The following RPS6KC1 variants were observed in gnomAD, a reference collection of about 807,000 sequenced individuals.
RPS6KC1 encodes the protein ribosomal protein S6 kinase C1.
A neutral mutation model predicts 103.8 loss-of-function variants in RPS6KC1; 54 were observed. That is an observed-to-expected ratio of 0.52 (90% confidence interval 0.42 to 0.65). The LOEUF (loss-of-function observed/expected upper bound fraction) is 0.65, where lower values mean the gene tolerates loss of function less well. Ranked by LOEUF, RPS6KC1 falls within the 30% of genes least tolerant of loss-of-function variation. The probability of loss-of-function intolerance (pLI) is 0.00; values close to 1 mark genes in which losing one functional copy is unlikely to be tolerated. For synonymous variants in RPS6KC1, 439 were observed against 438.7 expected, an observed-to-expected ratio of 1.00 and a Z score of -0.01; for missense variants, 1,151 against 1,253.8, an observed-to-expected ratio of 0.92 and a Z score of 1.24.
the RPS6KC1 span, among the ~76,000 whole-genome samples, chr1:213,344,609 A>T: frequency 6.6e-6 from 1 of 151,970 alleles, no homozygotes; most frequent in Non-Finnish European, 1.5e-5. Context: ...TCTCAGGCTT[A>T]CTGCAACCTC....
At chr1:213,118,919 A>G (rs571491657) in intron 5 of RPS6KC1, among the ~76,000 whole-genome samples, 1 of 151,918 alleles carries the variant, frequency 6.6e-6, no homozygotes, top group Admixed American at 6.6e-5. Flanking sequence ...GTGGTAAAAT[A>G]TCTGTTCTTT....
chr1:213,087,936 C>A (rs924083520), intron 3 of RPS6KC1, among the ~76,000 whole-genome samples: 1 of 152,150 alleles, frequency 6.6e-6, no homozygotes, highest in Non-Finnish European at 1.5e-5. Flanking sequence ...AGAGTACGCT[C>A]CTAATAACCC....
At chr1:213,586,628 TGAG>T in the RPS6KC1 span, among the ~76,000 whole-genome samples, 1 of 85,632 alleles carries the variant, frequency 1.2e-5, no homozygotes, top group East Asian at 6.0e-4. Context: ...GTGAGACAGA[TGAG>T]GAGAAGGGCA....
chr1:213,181,201 T>C (rs1174059761), intron 8 of RPS6KC1, among the ~76,000 whole-genome samples: 1 of 152,220 alleles, frequency 6.6e-6, no homozygotes. Flanking sequence ...ATTCTGTGTG[T>C]ACATGTGTGT....
chr1:213,688,857 T>G, the RPS6KC1 span, among the ~76,000 whole-genome samples: 1 of 152,324 alleles, frequency 6.6e-6, no homozygotes, highest in East Asian at 1.9e-4. Context: ...CCACCTACTC[T>G]GTGTAAGCCT....
At chr1:213,267,640 A>C (rs2094942606) in intron 14 of RPS6KC1, among the ~76,000 whole-genome samples, 1 of 152,070 alleles carries the variant, frequency 6.6e-6, no homozygotes, top group Non-Finnish European at 1.5e-5. Context: ...AAAGAACTAA[A>C]TGAAACTGTG....
At chr1:213,591,134 T>A in the RPS6KC1 span, among the ~76,000 whole-genome samples, 1 of 152,176 alleles carries the variant, frequency 6.6e-6, no homozygotes. Flanking sequence ...AGGTGAGGTC[T>A]GCTGCACTGG....
In RPS6KC1 at chr1:213,095,259, TTTC is replaced by T. The variant is rs1468610363; in HGVS notation, c.263-9192_263-9190del. Among the ~76,000 whole-genome samples the T allele has an allele frequency of 6.6e-5, 10 of 152,202 alleles. 1 individual carries two copies. The highest frequency in any genetic ancestry group is 4.1e-4 in the South Asian group (2 of 4,834). On this transcript the variant is annotated intron_variant, in intron 3 of 14. Coordinates refer to ENST00000366960, the MANE Select transcript of RPS6KC1 (RefSeq NM_012424.6). The stretch of plus-strand genomic sequence containing the variant: ...AATCCAGAGAATCTTGACCTCTCTC[TTTC>T]TTTTTACTCTGTGAATGAACTTTTG...
At chr1:213,665,902 A>G in the RPS6KC1 span, among the ~76,000 whole-genome samples, 1 of 152,250 alleles carries the variant, frequency 6.6e-6, no homozygotes, top group Non-Finnish European at 1.5e-5. Flanking sequence ...CATCCAAGTT[A>G]TATTGTTACA....
chr1:213,541,631 C>T, the RPS6KC1 span, among the ~76,000 whole-genome samples: 1 of 152,094 alleles, frequency 6.6e-6, no homozygotes, highest in African/African-American at 2.4e-5. Context: ...TTAATAACCA[C>T]AAACCATTAA....
the RPS6KC1 span, among the ~76,000 whole-genome samples, chr1:213,379,323 G>A: frequency 1.3e-5 from 2 of 152,244 alleles, no homozygotes; most frequent in African/African-American, 4.8e-5. Flanking sequence ...TGGAGGGTAG[G>A]CCCCTAATCC....
At chr1:213,730,161 T>C in the RPS6KC1 span, among the ~76,000 whole-genome samples, 4 of 152,242 alleles carry the variant, frequency 2.6e-5, no homozygotes, top group Non-Finnish European at 4.4e-5. Context: ...ATTTTCTTTA[T>C]CTAGTCTATC....
the RPS6KC1 span, among the ~76,000 whole-genome samples, chr1:213,574,281 C>T: frequency 9.2e-5 from 14 of 152,272 alleles, no homozygotes; most frequent in Admixed American, 9.2e-4. Flanking sequence ...CTTTCTCTCC[C>T]TCCTTCCAAA....
chr1:213,521,065 C>T, the RPS6KC1 span, among the ~76,000 whole-genome samples: 1 of 151,992 alleles, frequency 6.6e-6, no homozygotes, highest in Non-Finnish European at 1.5e-5. Flanking sequence ...ATTCTATATG[C>T]TCTGTTCTAC....
the RPS6KC1 span, among the ~76,000 whole-genome samples, chr1:213,735,024 C>T: frequency 1.4e-4 from 22 of 152,246 alleles, no homozygotes; most frequent in East Asian, 3.9e-4. Flanking sequence ...CCTGGGTTCA[C>T]GCCATTCTTC....
rs12076737 is a variant in RPS6KC1 at position 213,227,906 on chromosome 1, T to C, written c.1045-2591T>C. Among the ~76,000 whole-genome samples, 544 of 152,356 alleles carry C rather than the reference T, an allele frequency of 3.6e-3. 4 individuals carry two copies. The highest frequency in any genetic ancestry group is 0.012 in the African/African-American group (511 of 41,590). On this transcript the variant is annotated intron_variant, in intron 8 of 14. Coordinates refer to ENST00000366960, the MANE Select transcript of RPS6KC1 (RefSeq NM_012424.6). ...CCCACCCAGATAATCCAGTGTAATC[T>C]CTCTGTTTTAAGGTCTGTACCTTAA... is the stretch of plus-strand genomic sequence containing the variant.
At chr1:213,825,025 G>A in the RPS6KC1 span, among the ~76,000 whole-genome samples, 11 of 152,330 alleles carry the variant, frequency 7.2e-5, no homozygotes, top group Middle Eastern at 3.4e-3. Context: ...GGCCAGAGAA[G>A]AAAGAGTGGG....
At chr1:213,093,944 A>G (rs1264086231) in intron 3 of RPS6KC1, among the ~76,000 whole-genome samples, 1 of 152,110 alleles carries the variant, frequency 6.6e-6, no homozygotes, top group Non-Finnish European at 1.5e-5. Flanking sequence ...TTCAGAAGAT[A>G]TCTCTTCTAG....
At chr1:213,476,028 C>T in the RPS6KC1 span, among the ~76,000 whole-genome samples, 6,464 of 150,862 alleles carry the variant, frequency 0.043, 429 homozygotes, top group African/African-American at 0.14. Context: ...CTCATCTCTG[C>T]GGCCCACAGT....
Sources: allele counts gnomAD v4.1 joint callset (sites outside exome capture counted in the v4.1 genomes callset), GRCh38; gene constraint gnomAD v4.1.1; transcripts MANE v1.5; gene names NCBI Gene and HGNC (gene_info 2026-07-23, HGNC 2026-07-21).